EIF2B3: variants seen among roughly 807,000 people sequenced by gnomAD.
EIF2B3 encodes eukaryotic translation initiation factor 2B subunit gamma, also known as translation initiation factor eIF2B subunit gamma.
In EIF2B3, 20 loss-of-function variants were observed where a neutral mutation model predicts 54.1. The ratio of observed to expected loss-of-function variants is 0.37; its 90% CI spans 0.26 to 0.54. EIF2B3 has a LOEUF of 0.54. Ranked by LOEUF, EIF2B3 falls within the 20% of genes least tolerant of loss-of-function variation. The pLI is 0.86. For synonymous variants in EIF2B3, 153 were observed against 188.1 expected (o/e 0.81, Z 1.52); for missense variants, 448 against 547.8 (o/e 0.82, Z 1.82).
chr1:44,918,807 C>A lies in EIF2B3; in HGVS notation c.566+7821G>T, dbSNP rs540629381. The stretch of plus-strand genomic sequence containing the variant: ...TCATCAACCCTGCTCCCATCATATA[C>A]ACCCATACTTCCTTATGCGTTTTAC... On this transcript the variant is annotated intron_variant, in intron 5 of 11. Coordinates refer to ENST00000360403, the MANE Select transcript of EIF2B3 (RefSeq NM_020365.5). Among the ~76,000 whole-genome samples the A allele has an allele frequency of 2.6e-5, 4 of 152,306 alleles. No individual in the cohort carries two copies. The South Asian group carries it at 8.3e-4, about 32-fold the overall frequency.
intron 10 of EIF2B3, among the ~76,000 whole-genome samples, chr1:44,860,273 C>A (rs191003489): frequency 6.6e-6 from 1 of 152,192 alleles, no homozygotes; most frequent in Non-Finnish European, 1.5e-5. Context: ...CTTCAGCCCC[C>A]CAAGTAGCTG....
At chr1:44,977,799 T>C (rs1644468336) in intron 3 of EIF2B3, among the ~76,000 whole-genome samples, 1 of 152,216 alleles carries the variant, frequency 6.6e-6, no homozygotes, top group Non-Finnish European at 1.5e-5. Flanking sequence ...AAAAATGTGC[T>C]ATTACTCAAA....
At chr1:44,934,428 A>C (rs944792769) in intron 4 of EIF2B3, among the ~76,000 whole-genome samples, 1 of 151,324 alleles carries the variant, frequency 6.6e-6, no homozygotes, top group African/African-American at 2.4e-5. Flanking sequence ...ACAAAATTCA[A>C]TTTTGAGTAT....
intron 5 of EIF2B3, chr1:44,925,167 A>G (rs1643827166): frequency 6.6e-6 from 1 of 152,234 alleles, no homozygotes; most frequent in Admixed American, 6.5e-5. Context: ...CATATGATCC[A>G]GTAATCCCAC....
At chr1:44,925,987 G>T (rs367705160) in intron 5 of EIF2B3, among the ~76,000 whole-genome samples, 1 of 151,892 alleles carries the variant, frequency 6.6e-6, no homozygotes, top group Admixed American at 6.6e-5. Flanking sequence ...TAGCACTTTG[G>T]GGGGCCGAGG....
chr1:44,866,371 C>T (rs1162084001), intron 10 of EIF2B3, among the ~76,000 whole-genome samples: 5 of 145,014 alleles, frequency 3.4e-5, no homozygotes, highest in Non-Finnish European at 4.5e-5. Flanking sequence ...GCACTCCAGC[C>T]GGGGTGACAG....
intron 10 of EIF2B3, among the ~76,000 whole-genome samples, chr1:44,866,946 A>G (rs1654804408): frequency 6.6e-6 from 1 of 152,238 alleles, no homozygotes; most frequent in Non-Finnish European, 1.5e-5. Flanking sequence ...AAGAGCTCCA[A>G]AGAGAGGCAA....
chr1:44,870,784 C>T (rs1285983562), intron 10 of EIF2B3, among the ~76,000 whole-genome samples: 1 of 152,182 alleles, frequency 6.6e-6, no homozygotes, highest in East Asian at 1.9e-4. Flanking sequence ...TCCCGAGTAG[C>T]TGGTATTACA....
intron 5 of EIF2B3, among the ~76,000 whole-genome samples, chr1:44,923,647 C>CTT: frequency 8.7e-6 from 1 of 114,558 alleles, no homozygotes; most frequent in African/African-American, 4.0e-5. Context: ...CTGATGTTTT[C>CTT]TTCTCTCCAT....
intron 3 of EIF2B3, among the ~76,000 whole-genome samples, chr1:44,954,701 T>C (rs537497248): frequency 6.6e-6 from 1 of 152,176 alleles, no homozygotes; most frequent in African/African-American, 2.4e-5. Context: ...CTCTTCCTAT[T>C]TGAATACCTT....
chr1:44,893,587 G>A (rs947806384), intron 6 of EIF2B3, among the ~76,000 whole-genome samples: 8 of 152,094 alleles, frequency 5.3e-5, no homozygotes, highest in African/African-American at 1.9e-4. Context: ...GAGAACTATT[G>A]TAAGAAATGA....
chr1:44,943,093 G>A lies in EIF2B3; in HGVS notation c.295-1428C>T, dbSNP rs961672199. ...AGGATGGTCTTGATTTCCTGACCTC[G>A]TGATCCACCTGCCTTGGCCTCCCAA... is the stretch of plus-strand genomic sequence containing the variant. On this transcript the variant is annotated intron_variant, in intron 3 of 11. Coordinates refer to ENST00000360403, the MANE Select transcript of EIF2B3 (RefSeq NM_020365.5). Among the ~76,000 whole-genome samples the A allele has an allele frequency of 1.6e-4, 25 of 151,852 alleles. 1 individual carries two copies. In the East Asian group the frequency reaches 3.9e-3, roughly 24 times the overall value.
chr1:44,858,972 C>T (rs1178724101), intron 10 of EIF2B3, among the ~76,000 whole-genome samples: 2 of 152,182 alleles, frequency 1.3e-5, no homozygotes, highest in East Asian at 3.9e-4. Flanking sequence ...AAGAGCAGCG[C>T]CACTTGCTCA....
intron 3 of EIF2B3, among the ~76,000 whole-genome samples, chr1:44,974,288 C>T (rs1239019288): frequency 6.6e-6 from 1 of 150,866 alleles, no homozygotes; most frequent in Non-Finnish European, 1.5e-5. Flanking sequence ...CAGGCCTGGG[C>T]AATACAGTGA....
In EIF2B3 at chr1:44,874,737, T is replaced by A. The variant is rs770256354; in HGVS notation, c.1143A>T (p.Ile381=). ...AATTGGTAATAGTCACTCTATCTTT[T>A]ATGAGACAGGATGAGCCAATGACTG... The part of the protein sequence containing the change: ...KRSVIGSSCL[I]KDRVTITNCL... Residue 381 remains isoleucine (I), a synonymous_variant, in exon 10 of 12, where the codon ATA becomes ATT. Coordinates refer to ENST00000360403, the MANE Select transcript of EIF2B3 (RefSeq NM_020365.5). 1 of 1,614,064 alleles carries A rather than the reference T, an allele frequency of 6.2e-7. No homozygotes were observed. The highest frequency in any genetic ancestry group is 1.3e-5 in the African/African-American group (1 of 74,916).
At chr1:44,945,091 G>C (rs913750211) in intron 3 of EIF2B3, among the ~76,000 whole-genome samples, 3 of 152,016 alleles carry the variant, frequency 2.0e-5, no homozygotes, top group African/African-American at 7.3e-5. Context: ...TCTGAATATA[G>C]AATCTGCAAC....
chr1:44,917,046 G>A (rs1643638110), intron 5 of EIF2B3, among the ~76,000 whole-genome samples: 1 of 151,968 alleles, frequency 6.6e-6, no homozygotes, highest in African/African-American at 2.4e-5. Flanking sequence ...ATTAAATGTT[G>A]GGAATAACTC....
At chr1:44,879,248 C>T (rs1557667506) in intron 8 of EIF2B3, among the ~76,000 whole-genome samples, 1 of 152,162 alleles carries the variant, frequency 6.6e-6, no homozygotes. Context: ...TCTTTGAGGA[C>T]ACTGCTTCTC....
intron 6 of EIF2B3, 110 bp downstream of exon 6, chr1:44,897,245 G>T: frequency 1.3e-6 from 1 of 771,044 alleles, no homozygotes; most frequent in Non-Finnish European, 2.2e-6. Flanking sequence ...CTGTGCTATT[G>T]TGCTAATTTT....
Sources: gnomAD v4.1 joint callset for allele counts (sites outside exome capture counted in the v4.1 genomes callset) on GRCh38, gnomAD v4.1.1 for gene constraint, MANE v1.5 for transcripts, NCBI Gene and HGNC (gene_info 2026-07-23, HGNC 2026-07-21) for gene names.